Variants in ANK2 observed in about 807,000 individuals in gnomAD.
ANK2 encodes ankyrin-2.
Under a neutral mutation model 360.5 loss-of-function variants are expected in ANK2, and 83 were observed. That is an observed-to-expected ratio of 0.23 (90% CI 0.19 to 0.28). The LOEUF is 0.28. ANK2 is among the 10% of genes least tolerant of loss of function. ANK2 has a pLI of 1.00. For missense variants in ANK2, 4,201 were observed against 4,795.7 expected (o/e 0.88, Z 3.66); for synonymous variants, 1,740 against 1,759.5 (o/e 0.99, Z 0.28).
At chr4:112,822,259 A>AAC (rs1553927552) in intron 1 of ANK2, among the ~76,000 whole-genome samples, 7 of 123,398 alleles carry the variant, frequency 5.7e-5, no homozygotes, top group South Asian at 5.0e-4. Flanking sequence ...AAAAAAAAAA[A>AAC]AAACAAAAAT....
intron 2 of ANK2, among the ~76,000 whole-genome samples, chr4:112,924,370 A>G (rs74939388): frequency 7.7e-5 from 11 of 143,730 alleles, no homozygotes; most frequent in East Asian, 2.0e-4. Flanking sequence ...TTCATCTCAG[A>G]AAAAAAAAAA....
At chr4:112,812,352 GGT>G in the ANK2 span, among the ~76,000 whole-genome samples, 1 of 152,100 alleles carries the variant, frequency 6.6e-6, no homozygotes, top group African/African-American at 2.4e-5. Context: ...AGTCTCACAT[GGT>G]CTTCCTATAA....
intron 1 of ANK2, among the ~76,000 whole-genome samples, chr4:113,052,487 T>C (rs2067503661): frequency 6.6e-6 from 1 of 152,218 alleles, no homozygotes; most frequent in African/African-American, 2.4e-5. Flanking sequence ...ACTTGTTTAT[T>C]CTGTACCTTC....
chr4:113,341,697 G>C lies in ANK2; in HGVS notation c.3903G>C (p.Leu1301=). 6.2e-7 allele frequency: 1 copy of C among 1,614,112 alleles called. No individual in the cohort carries two copies. The highest frequency in any genetic ancestry group is 8.5e-7 in the Non-Finnish European group (1 of 1,179,976). ...TTATTTATTTTAATAGGTTCTGGCT[G>C]ATAGATTGTCGACAGATCCAGGAAT... The part of the protein sequence containing the change: ...FTTNVSARFW[L]IDCRQIQESV... Residue 1301 remains leucine (L), a synonymous_variant, in exon 33 of 46, where the codon CTG becomes CTC. Transcript: ENST00000357077.
At chr4:112,745,546 T>TC in the ANK2 span, among the ~76,000 whole-genome samples, 2 of 151,114 alleles carry the variant, frequency 1.3e-5, no homozygotes, top group African/African-American at 4.9e-5. Context: ...TTTTTTTTTT[T>TC]TTTTGAGACA....
chr4:112,793,655 T>C, the ANK2 span, among the ~76,000 whole-genome samples: 93 of 151,946 alleles, frequency 6.1e-4, no homozygotes, highest in African/African-American at 2.1e-3. Flanking sequence ...TATACTGTCT[T>C]TTATAAATGA....
chr4:113,324,872 A>C (rs146612635), intron 26 of ANK2, among the ~76,000 whole-genome samples: 5 of 152,294 alleles, frequency 3.3e-5, no homozygotes, highest in Non-Finnish European at 7.4e-5. Context: ...TGGTCCTCAA[A>C]GAATTAAAAA....
the ANK2 span, among the ~76,000 whole-genome samples, chr4:112,709,441 G>A: frequency 4.3e-4 from 65 of 152,284 alleles, no homozygotes; most frequent in African/African-American, 1.4e-3. Flanking sequence ...TACTTACTGA[G>A]ATTATGACAT....
the ANK2 span, among the ~76,000 whole-genome samples, chr4:112,784,634 C>T: frequency 6.6e-6 from 1 of 152,002 alleles, no homozygotes; most frequent in African/African-American, 2.4e-5. Context: ...TGAGCCACCC[C>T]GTCCGGCCCG....
intron 1 of ANK2, among the ~76,000 whole-genome samples, chr4:112,843,711 A>G (rs945730399): frequency 4.6e-5 from 7 of 152,142 alleles, no homozygotes; most frequent in Non-Finnish European, 2.9e-5. Flanking sequence ...ATGCTTATGG[A>G]TCACCTCAAG....
At chr4:113,207,116 C>G (rs78528334) in intron 4 of ANK2, among the ~76,000 whole-genome samples, 76 of 152,316 alleles carry the variant, frequency 5.0e-4, no homozygotes, top group African/African-American at 1.7e-3. Flanking sequence ...CACACGCACA[C>G]ACACACACAC....
chr4:113,016,167 G>C (rs1019846138), intron 2 of ANK2, among the ~76,000 whole-genome samples: 2 of 152,088 alleles, frequency 1.3e-5, no homozygotes, highest in African/African-American at 4.8e-5. Flanking sequence ...TGGGATTACA[G>C]ACATGAGCCA....
At chr4:113,017,866 G>A (rs2057050993) in intron 2 of ANK2, among the ~76,000 whole-genome samples, 2 of 152,104 alleles carry the variant, frequency 1.3e-5, no homozygotes, top group African/African-American at 4.8e-5. Flanking sequence ...TTATTTTAGT[G>A]TCAAATAACC....
At chr4:112,879,521 C>G (rs1025310355) in intron 1 of ANK2, among the ~76,000 whole-genome samples, 5 of 152,102 alleles carry the variant, frequency 3.3e-5, no homozygotes, top group African/African-American at 1.2e-4. Flanking sequence ...ACAGAACCAC[C>G]CAGCCAAGCC....
chr4:113,037,349 A>G (rs1262825529), intron 2 of ANK2, among the ~76,000 whole-genome samples: 3 of 151,960 alleles, frequency 2.0e-5, no homozygotes, highest in Admixed American at 2.0e-4. Context: ...TAATATTCTG[A>G]GTCTCAACTG....
chr4:112,839,927 T>G (rs1472565144), intron 1 of ANK2, among the ~76,000 whole-genome samples: 1 of 152,220 alleles, frequency 6.6e-6, no homozygotes, highest in East Asian at 1.9e-4. Flanking sequence ...CTATTTGTAA[T>G]CTTTCTTGGC....
At chr4:112,972,599 G>A (rs2039925818) in intron 2 of ANK2, among the ~76,000 whole-genome samples, 1 of 152,052 alleles carries the variant, frequency 6.6e-6, no homozygotes, top group Non-Finnish European at 1.5e-5. Context: ...ACGTACACGG[G>A]ACGTTACATA....
chr4:113,028,401 G>T (rs1203791400), intron 2 of ANK2, among the ~76,000 whole-genome samples: 6 of 152,118 alleles, frequency 3.9e-5, no homozygotes, highest in Non-Finnish European at 8.8e-5. Context: ...TCTCGTTCAT[G>T]CAACAAACAC....
chr4:112,870,287 C>T (rs534320471), intron 1 of ANK2, among the ~76,000 whole-genome samples: 51 of 152,306 alleles, frequency 3.3e-4, no homozygotes, highest in African/African-American at 1.1e-3. Flanking sequence ...AGCCACCTCA[C>T]CTGGCCATAT....
Sources: gnomAD v4.1 joint callset for allele counts (sites outside exome capture counted in the v4.1 genomes callset) on GRCh38, gnomAD v4.1.1 for gene constraint, MANE v1.5 for transcripts, NCBI Gene and HGNC (gene_info 2026-07-23, HGNC 2026-07-21) for gene names.